Variants in SIN3A observed in about 807,000 individuals in gnomAD.
The protein encoded by SIN3A is SIN3 transcription regulator family member A.
In SIN3A, 14 loss-of-function variants were observed where a neutral mutation model predicts 146.1. That is an observed-to-expected ratio of 0.10 (90% CI 0.06 to 0.15). SIN3A has a LOEUF of 0.15. Among genes scored for constraint, SIN3A ranks in the 10% least tolerant of loss-of-function variants. The pLI is 1.00. For synonymous variants in SIN3A, 572 were observed against 572.0 expected (o/e 1.00, Z 0.00); for missense variants, 1,028 against 1,576.0 (o/e 0.65, Z 5.89).
At chr15:75,427,986 A>C (rs1437704347) in intron 2 of SIN3A, among the ~76,000 whole-genome samples, 1 of 152,144 alleles carries the variant, frequency 6.6e-6, no homozygotes, top group East Asian at 1.9e-4. Flanking sequence ...TAAATAAATA[A>C]ATAAATAAAT....
chr15:75,454,143 C>A (rs996412994), upstream of SIN3A, among the ~76,000 whole-genome samples: 1 of 148,152 alleles, frequency 6.7e-6, no homozygotes, highest in Non-Finnish European at 1.5e-5. Flanking sequence ...TCCGCAAGAA[C>A]CGTCCCTCCT....
chr15:75,413,130 T>C, intron 4 of SIN3A, 85 bp from the exon 5 acceptor site: 2 of 1,366,198 alleles, frequency 1.5e-6, no homozygotes, highest in Admixed American at 2.6e-5. Context: ...TTTTTTCTTT[T>C]GAGACGGAGT....
intron 3 of SIN3A, chr15:75,421,018 G>A (rs1329352845): frequency 1.3e-5 from 2 of 152,154 alleles, no homozygotes; most frequent in African/African-American, 4.8e-5. Context: ...TTATACCAAA[G>A]AGTCCTGTGA....
chr15:75,412,130 C>T (rs141625200), intron 5 of SIN3A, among the ~76,000 whole-genome samples: 7 of 152,324 alleles, frequency 4.6e-5, no homozygotes, highest in East Asian at 3.9e-4. Context: ...AAGTCTTCTA[C>T]GCCAACTCTG....
chr15:75,434,983 T>A (rs918509055), intron 1 of SIN3A, among the ~76,000 whole-genome samples: 44 of 143,970 alleles, frequency 3.1e-4, no homozygotes, highest in Admixed American at 2.1e-3. Flanking sequence ...CAAAGCAATT[T>A]AAAAAAAAAA....
chr15:75,370,659 A>C lies in SIN3A; in HGVS notation c.*1320T>G, dbSNP rs2072731722. The C allele has an allele frequency of 6.6e-6, 1 of 152,120 alleles. No homozygotes were observed. Among genetic ancestry groups the C allele is most frequent in the Non-Finnish European group, 1.5e-5 (1 of 68,014 alleles). 9.4% of individuals were successfully genotyped at this position (152,120 alleles called of 1,614,324 possible). A position where few individuals can be genotyped will look rare whatever the true frequency, so the allele number is the denominator to read the frequency against. On this transcript the variant is annotated 3_prime_UTR_variant, in exon 21 of 21. Coordinates refer to ENST00000394947, the MANE Select transcript of SIN3A (RefSeq NM_001145358.2). The stretch of plus-strand genomic sequence containing the variant: ...TTTAAGTTGCTCACCCCCATCCATC[A>C]CCAATGTGAATAAGAAAAAATATAT...
chr15:75,411,794 A>C lies in SIN3A; in HGVS notation c.757-51T>G, dbSNP rs530814641. 22 of 1,514,312 alleles carry C rather than the reference A, an allele frequency of 1.5e-5. No individual in the cohort carries two copies. In the South Asian group the frequency reaches 2.7e-4, roughly 19 times the overall value. The allele number at this position is 1,514,312 out of a possible 1,614,324, so 93.8% of individuals were successfully genotyped here. ...TCTTCAGATGCATAGATGAGTTGAT[A>C]CAAGGAAAGTTCAAACTAAAGAGAA... On this transcript the variant is annotated intron_variant, in intron 5 of 20. Coordinates refer to ENST00000394947, the MANE Select transcript of SIN3A (RefSeq NM_001145358.2).
At chr15:75,374,730 G>A (rs1409311928) in intron 20 of SIN3A, among the ~76,000 whole-genome samples, 2 of 152,140 alleles carry the variant, frequency 1.3e-5, no homozygotes, top group South Asian at 4.1e-4. Context: ...TAGCTCTTTT[G>A]TCTAGAAAAC....
intron 1 of SIN3A, among the ~76,000 whole-genome samples, chr15:75,443,010 A>C (rs143229270): frequency 8.9e-4 from 136 of 151,970 alleles, no homozygotes; most frequent in African/African-American, 3.2e-3. Flanking sequence ...TGGAGACAGA[A>C]TCTTGCTATG....
chr15:75,411,407 T>C, intron 6 of SIN3A, 85 bp downstream of exon 6: 1 of 1,323,556 alleles, frequency 7.6e-7, no homozygotes, highest in Non-Finnish European at 1.0e-6. Context: ...TATGAATTAA[T>C]GGACACAATA....
intron 8 of SIN3A, among the ~76,000 whole-genome samples, chr15:75,408,664 T>C (rs895104024): frequency 2.6e-5 from 4 of 152,196 alleles, no homozygotes; most frequent in African/African-American, 9.6e-5. Context: ...CATCATGTAA[T>C]GGATTACTAA....
chr15:75,399,977 T>A, intron 12 of SIN3A, 63 bp downstream of exon 12: 2 of 887,694 alleles, frequency 2.3e-6, no homozygotes, highest in Non-Finnish European at 3.8e-6. Flanking sequence ...CAGAGACAGG[T>A]ACTGATAGTC....
rs767405930 is a variant in SIN3A at position 75,410,121 on chromosome 15, T to TA, written c.1161+12dup. The stretch of plus-strand genomic sequence containing the variant: ...TAATAGTAAATAGTGTAATTCTTAT[T>TA]AAAAAAACATACCACGGAGCTGTTG... On this transcript the variant is annotated intron_variant, in intron 7 of 20. Transcript: ENST00000394947. The TA allele has an allele frequency of 8.9e-5, 144 of 1,611,980 alleles. 1 individual carries two copies. Among genetic ancestry groups the TA allele is most frequent in the Admixed American group, 7.9e-4 (47 of 59,606 alleles).
intron 1 of SIN3A, among the ~76,000 whole-genome samples, chr15:75,432,515 T>C (rs1345392296): frequency 2.1e-5 from 3 of 140,094 alleles, no homozygotes; most frequent in Non-Finnish European, 4.7e-5. Context: ...GGTGAAACCC[T>C]GTCTCCAGTA....
At chr15:75,438,630 A>C (rs746357779) in intron 1 of SIN3A, among the ~76,000 whole-genome samples, 3 of 152,042 alleles carry the variant, frequency 2.0e-5, no homozygotes, top group Non-Finnish European at 2.9e-5. Flanking sequence ...TTGAGGCTAC[A>C]GTGAGCTGTG....
intron 1 of SIN3A, among the ~76,000 whole-genome samples, chr15:75,442,863 C>T (rs902151873): frequency 1.4e-5 from 2 of 139,030 alleles, no homozygotes; most frequent in African/African-American, 2.7e-5. Flanking sequence ...ACCCAGGAGG[C>T]GGAGGTTGCG....
chr15:75,401,760 T>G, intron 10 of SIN3A, 92 bp downstream of exon 10: 2 of 785,012 alleles, frequency 2.5e-6, no homozygotes, highest in Non-Finnish European at 4.3e-6. Flanking sequence ...GTATCTCAAG[T>G]AAATTAACTT....
intron 19 of SIN3A, chr15:75,376,114 T>G: frequency 1.8e-6 from 1 of 562,618 alleles, no homozygotes; most frequent in Non-Finnish European, 3.2e-6. Flanking sequence ...GTTAAGAGTT[T>G]TAATGAGAAA....
Position 75,389,658 on chromosome 15 carries a change from G to A in SIN3A, c.3015C>T (p.Val1005=). The change falls in exon 16 of 21, where the codon GTC becomes GTT. Residue 1005 remains valine (V), a synonymous_variant. Coordinates refer to ENST00000394947, the MANE Select transcript of SIN3A (RefSeq NM_001145358.2). ...GCCTCCTCCATGCCCTCACCTGTCT[G>A]ACAATGCTCTGGATCAGTTTGTCCA... ...FTMDKLIQSI[V]RQLQHIVSDE... 3 of 1,614,056 alleles carry A rather than the reference G, an allele frequency of 1.9e-6. No individual in the cohort carries two copies. In the South Asian group the frequency reaches 3.3e-5, roughly 18 times the overall value.
Sources: allele counts gnomAD v4.1 joint callset (sites outside exome capture counted in the v4.1 genomes callset), GRCh38; gene constraint gnomAD v4.1.1; transcripts MANE v1.5; gene names NCBI Gene and HGNC (gene_info 2026-07-23, HGNC 2026-07-21).